GPC6: variants seen among roughly 807,000 people sequenced by gnomAD.
The protein encoded by GPC6 is glypican 6.
GPC6 carries 14 observed loss-of-function variants against 55.2 expected under a neutral mutation model. That is an observed-to-expected ratio of 0.25 (90% CI 0.17 to 0.40). The LOEUF (loss-of-function observed/expected upper bound fraction) is 0.40. GPC6 is among the 10% of genes least tolerant of loss of function. GPC6 has a pLI of 1.00. For synonymous variants in GPC6, 278 were observed against 259.6 expected, an observed-to-expected ratio of 1.07 and a Z score of -0.68; for missense variants, 641 against 708.5, an observed-to-expected ratio of 0.90 and a Z score of 1.08.
intron 4 of GPC6, among the ~76,000 whole-genome samples, chr13:94,240,284 G>A (rs1177099343): frequency 6.6e-6 from 1 of 152,092 alleles, no homozygotes; most frequent in African/African-American, 2.4e-5. Context: ...GCTCCTCTGG[G>A]TAAAGAAGAA....
In GPC6 at chr13:93,614,977, G is replaced by A. The variant is rs1386027559; in HGVS notation, c.319+69556G>A. 5.9e-5 allele frequency among the ~76,000 whole-genome samples: 9 copies of A among 151,806 alleles called. No homozygotes were observed. The East Asian group carries it at 1.5e-3, about 26-fold the overall frequency. ...TTACTATGTACAATTTAATGTATTAGCCATCATGATATCATGGGTATGAAT... is the reference window on the plus strand; with the variant it reads ...TTACTATGTACAATTTAATGTATTAACCATCATGATATCATGGGTATGAAT... On this transcript the variant is annotated intron_variant, in intron 2 of 8. Transcript: ENST00000377047.
intron 4 of GPC6, among the ~76,000 whole-genome samples, chr13:94,240,520 G>A (rs959838485): frequency 6.6e-6 from 1 of 152,104 alleles, no homozygotes; most frequent in African/African-American, 2.4e-5. Flanking sequence ...TTGAGTGCCT[G>A]CTTTTTGCCA....
At chr13:94,309,190 A>G (rs1388723665) in intron 6 of GPC6, among the ~76,000 whole-genome samples, 1 of 152,204 alleles carries the variant, frequency 6.6e-6, no homozygotes, top group Non-Finnish European at 1.5e-5. Flanking sequence ...CAGCAGAAAA[A>G]TGCTTCCAAG....
In GPC6 at chr13:94,217,404, G is replaced by A. The variant is rs141244904; in HGVS notation, c.878-68945G>A. ...TCTCTTTATATCCCATTTCAAAATG[G>A]CAGGAGATTGAAACAGGAAGTAAAC... On this transcript the variant is annotated intron_variant, in intron 4 of 8. Coordinates refer to ENST00000377047, the MANE Select transcript of GPC6 (RefSeq NM_005708.5). Among the ~76,000 whole-genome samples, 27 of 152,192 alleles carry A rather than the reference G, an allele frequency of 1.8e-4. 2 individuals are homozygous for A. The East Asian group carries it at 5.2e-3, about 29-fold the overall frequency.
chr13:93,235,968 G>T (rs950198848), intron 1 of GPC6, among the ~76,000 whole-genome samples: 5 of 152,156 alleles, frequency 3.3e-5, no homozygotes, highest in Admixed American at 1.3e-4. Flanking sequence ...CAAGATGATG[G>T]CTAGAGTTCC....
intron 3 of GPC6, among the ~76,000 whole-genome samples, chr13:93,913,403 A>C (rs991363556): frequency 1.3e-5 from 2 of 152,346 alleles, no homozygotes; most frequent in South Asian, 4.1e-4. Flanking sequence ...GGTCACTTCT[A>C]TGCAAAATAC....
intron 1 of GPC6, among the ~76,000 whole-genome samples, chr13:93,533,778 C>A (rs1468264851): frequency 1.3e-5 from 2 of 151,714 alleles, no homozygotes; most frequent in African/African-American, 4.9e-5. Context: ...CTTGAAGTTG[C>A]TCTTGCTGTC....
At chr13:93,676,388 G>A (rs1466718907) in intron 2 of GPC6, among the ~76,000 whole-genome samples, 2 of 151,436 alleles carry the variant, frequency 1.3e-5, no homozygotes, top group Non-Finnish European at 2.9e-5. Context: ...CTACACTCCA[G>A]CCTGAGTGAC....
chr13:93,333,703 C>A (rs914544337), intron 1 of GPC6, among the ~76,000 whole-genome samples: 4 of 151,680 alleles, frequency 2.6e-5, no homozygotes, highest in Non-Finnish European at 4.4e-5. Flanking sequence ...TTCCCAGTTA[C>A]ATTTCTCTAT....
chr13:93,793,910 A>G (rs1886122489), intron 2 of GPC6, among the ~76,000 whole-genome samples: 1 of 152,190 alleles, frequency 6.6e-6, no homozygotes, highest in African/African-American at 2.4e-5. Flanking sequence ...GTATGGTGTG[A>G]AATACTGGGT....
intron 2 of GPC6, among the ~76,000 whole-genome samples, chr13:93,621,877 A>G (rs564706828): frequency 6.6e-6 from 1 of 152,214 alleles, no homozygotes; most frequent in East Asian, 1.9e-4. Context: ...AAACATTTTC[A>G]GTCCTCTCTT....
intron 3 of GPC6, chr13:94,025,638 A>C (rs1882868432): frequency 6.6e-6 from 1 of 152,186 alleles, no homozygotes; most frequent in Non-Finnish European, 1.5e-5. Context: ...TCTGGAGATT[A>C]CATAATGGCA....
At chr13:93,281,778 T>C (rs553155396) in intron 1 of GPC6, among the ~76,000 whole-genome samples, 8 of 152,148 alleles carry the variant, frequency 5.3e-5, no homozygotes, top group Non-Finnish European at 1.2e-4. Context: ...ATCATGCCAG[T>C]GTACTCCAGC....
chr13:94,013,877 G>C (rs1594666433), intron 3 of GPC6, among the ~76,000 whole-genome samples: 1 of 152,154 alleles, frequency 6.6e-6, no homozygotes, highest in African/African-American at 2.4e-5. Context: ...GGCAAATTAT[G>C]TCTATTCCTT....
At chr13:93,749,132 A>G (rs1884496353) in intron 2 of GPC6, among the ~76,000 whole-genome samples, 1 of 151,928 alleles carries the variant, frequency 6.6e-6, no homozygotes. Flanking sequence ...ATTGGATCCC[A>G]TTTTCCATTC....
chr13:94,102,437 C>G (rs957007572), intron 4 of GPC6, among the ~76,000 whole-genome samples: 3 of 152,002 alleles, frequency 2.0e-5, no homozygotes, highest in Admixed American at 6.6e-5. Context: ...CCCACTCTTC[C>G]AATGCAAACT....
At chr13:93,649,045 G>A (rs1566467959) in intron 2 of GPC6, among the ~76,000 whole-genome samples, 1 of 152,086 alleles carries the variant, frequency 6.6e-6, no homozygotes. Flanking sequence ...AATGGCATGT[G>A]GCTTTTAGTA....
intron 2 of GPC6, among the ~76,000 whole-genome samples, chr13:93,562,477 A>T (rs1303816612): frequency 6.6e-6 from 1 of 152,198 alleles, no homozygotes; most frequent in Non-Finnish European, 1.5e-5. Flanking sequence ...ATGAAACTCC[A>T]GTTTCTCTAT....
At chr13:93,254,139 A>G (rs1876874236) in intron 1 of GPC6, among the ~76,000 whole-genome samples, 1 of 152,128 alleles carries the variant, frequency 6.6e-6, no homozygotes, top group South Asian at 2.1e-4. Flanking sequence ...CTTGGGCAAC[A>G]TGGTAAGACC....
Sources: allele counts gnomAD v4.1 joint callset (sites outside exome capture counted in the v4.1 genomes callset), GRCh38; gene constraint gnomAD v4.1.1; transcripts MANE v1.5; gene names NCBI Gene and HGNC (gene_info 2026-07-23, HGNC 2026-07-21).